Variants in FGF14 observed in about 807,000 individuals in gnomAD.
FGF14 encodes the protein fibroblast growth factor 14, also known as fibroblast growth factor homologous factor 4.
FGF14 carries 5 observed loss-of-function variants against 25.5 expected under a neutral mutation model. That is an observed-to-expected ratio of 0.20 (90% confidence interval 0.10 to 0.41). The LOEUF (loss-of-function observed/expected upper bound fraction) is 0.41. FGF14 is among the 10% of genes least tolerant of loss of function. The pLI, the probability that FGF14 is intolerant of heterozygous loss-of-function variation, is 1.00. For missense variants in FGF14, 222 were observed against 320.1 expected (o/e 0.69, Z 2.34); for synonymous variants, 138 against 118.3 (o/e 1.17, Z -1.08).
At chr13:101,971,943 C>T (rs1004671566) in intron 1 of FGF14, among the ~76,000 whole-genome samples, 3 of 152,226 alleles carry the variant, frequency 2.0e-5, no homozygotes, top group Non-Finnish European at 4.4e-5. Context: ...TCCACCACTG[C>T]GCTTGCCATG....
intron 1 of FGF14, among the ~76,000 whole-genome samples, chr13:102,035,951 A>G (rs753552778): frequency 3.3e-5 from 5 of 152,154 alleles, no homozygotes; most frequent in Admixed American, 6.6e-5. Context: ...GGAAAGGAAG[A>G]TCAATGTAAG....
intron 1 of FGF14, among the ~76,000 whole-genome samples, chr13:101,893,043 T>G (rs1349067245): frequency 1.3e-5 from 2 of 152,192 alleles, no homozygotes; most frequent in Non-Finnish European, 2.9e-5. Context: ...GCAGTTAAGA[T>G]GCCATACCCA....
intron 1 of FGF14, chr13:102,263,230 A>G (rs1225813031): frequency 2.2e-6 from 1 of 460,856 alleles, no homozygotes; most frequent in African/African-American, 2.1e-5. Flanking sequence ...TCAAGCACAC[A>G]CCACGATGGC....
intron 1 of FGF14, among the ~76,000 whole-genome samples, chr13:102,166,132 C>T (rs1472705113): frequency 6.6e-6 from 1 of 150,900 alleles, no homozygotes; most frequent in Non-Finnish European, 1.5e-5. Flanking sequence ...CACTTTCTGT[C>T]TCTCTAGATT....
chr13:102,111,701 G>A (rs1268696739), intron 1 of FGF14, among the ~76,000 whole-genome samples: 1 of 147,106 alleles, frequency 6.8e-6, no homozygotes, highest in East Asian at 2.0e-4. Context: ...GGGCAACAGA[G>A]CAAGATTCTG....
intron 3 of FGF14, among the ~76,000 whole-genome samples, chr13:101,776,873 G>T (rs2039143689): frequency 6.6e-6 from 1 of 152,180 alleles, no homozygotes; most frequent in Admixed American, 6.5e-5. Flanking sequence ...TCAGTTTTTG[G>T]TGAGGGTTTC....
intron 3 of FGF14, among the ~76,000 whole-genome samples, chr13:101,739,741 G>A (rs1186361983): frequency 6.6e-6 from 1 of 152,168 alleles, no homozygotes; most frequent in African/African-American, 2.4e-5. Context: ...CACATTAAGG[G>A]TGAGGGAAGA....
At chr13:101,752,872 T>C (rs1198185788) in intron 3 of FGF14, among the ~76,000 whole-genome samples, 1 of 152,110 alleles carries the variant, frequency 6.6e-6, no homozygotes, top group Non-Finnish European at 1.5e-5. Context: ...AAGAAAATAG[T>C]TTCTCAGCAG....
intron 3 of FGF14, among the ~76,000 whole-genome samples, chr13:101,847,844 A>G (rs1296803464): frequency 6.6e-6 from 1 of 152,094 alleles, no homozygotes; most frequent in Non-Finnish European, 1.5e-5. Context: ...TAAAAACATT[A>G]AGACATTTTC....
chr13:102,092,372 G>A (rs979037061), intron 1 of FGF14, among the ~76,000 whole-genome samples: 12 of 151,984 alleles, frequency 7.9e-5, no homozygotes, highest in Admixed American at 3.9e-4. Flanking sequence ...TCCCAATTAC[G>A]GGTGACCAAA....
At chr13:102,281,682 CCTAA>C (rs1196736447) in intron 1 of FGF14, among the ~76,000 whole-genome samples, 3 of 151,210 alleles carry the variant, frequency 2.0e-5, no homozygotes, top group Non-Finnish European at 4.4e-5. Flanking sequence ...TTGCTCTGAT[CCTAA>C]CTTCTTTTTT....
chr13:102,040,629 T>C (rs1312657300), intron 1 of FGF14, among the ~76,000 whole-genome samples: 1 of 152,178 alleles, frequency 6.6e-6, no homozygotes, highest in Admixed American at 6.5e-5. Flanking sequence ...TGGATGGATA[T>C]TTGTTGGCTG....
chr13:101,732,047 T>C (rs909016261), intron 3 of FGF14, among the ~76,000 whole-genome samples: 2 of 152,180 alleles, frequency 1.3e-5, no homozygotes, highest in African/African-American at 4.8e-5. Flanking sequence ...AGCAAATTCC[T>C]AAGGAGCTAA....
At chr13:101,927,826 G>C (rs566769423) in intron 1 of FGF14, among the ~76,000 whole-genome samples, 39 of 152,110 alleles carry the variant, frequency 2.6e-4, no homozygotes, top group Non-Finnish European at 5.1e-4. Flanking sequence ...CACCTCCCCA[G>C]AGCCTGGAGC....
chr13:102,117,173 G>C (rs1313205439), intron 1 of FGF14, among the ~76,000 whole-genome samples: 2 of 152,130 alleles, frequency 1.3e-5, no homozygotes, highest in African/African-American at 4.8e-5. Flanking sequence ...TATTTTTTCT[G>C]GTGCTGGTGG....
At chr13:102,050,824 A>C (rs778409890) in intron 1 of FGF14, among the ~76,000 whole-genome samples, 5 of 152,322 alleles carry the variant, frequency 3.3e-5, no homozygotes, top group Non-Finnish European at 7.4e-5. Flanking sequence ...TGGTGGGATC[A>C]GCATACCTGA....
intron 1 of FGF14, among the ~76,000 whole-genome samples, chr13:101,997,091 A>T (rs907520976): frequency 6.6e-6 from 1 of 152,240 alleles, no homozygotes; most frequent in Non-Finnish European, 1.5e-5. Flanking sequence ...ACTAGGCTTC[A>T]AAGCACTTCC....
chr13:102,055,134 A>G (rs1443674001), intron 1 of FGF14, among the ~76,000 whole-genome samples: 6 of 152,206 alleles, frequency 3.9e-5, no homozygotes, highest in Non-Finnish European at 8.8e-5. Context: ...CCCCATTTGT[A>G]GCATACAAAA....
chr13:102,312,273 G>GA (rs532257571), intron 1 of FGF14, among the ~76,000 whole-genome samples: 37 of 134,854 alleles, frequency 2.7e-4, no homozygotes, highest in Admixed American at 2.9e-4. Context: ...AATGAAAGCA[G>GA]AAAAAAAAAA....
Sources: gnomAD v4.1 joint callset for allele counts (sites outside exome capture counted in the v4.1 genomes callset) on GRCh38, gnomAD v4.1.1 for gene constraint, MANE v1.5 for transcripts, NCBI Gene and HGNC (gene_info 2026-07-23, HGNC 2026-07-21) for gene names.